The following MDFIC2 variants were observed in gnomAD, a reference collection of about 807,000 sequenced individuals.
MDFIC2 encodes the protein MyoD family inhibitor domain containing 2.
intron 2 of MDFIC2, chr3:70,302,550 A>C (rs533986333): frequency 6.6e-6 from 1 of 152,292 alleles, no homozygotes; most frequent in South Asian, 2.1e-4. Context: ...ATTCTACTGA[A>C]AATCTCTATT....
intron 2 of MDFIC2, among the ~76,000 whole-genome samples, chr3:70,263,142 C>T (rs6549313): frequency 0.92 from 139,369 of 152,164 alleles, 64,168 homozygotes; most frequent in Non-Finnish European, 0.95. Flanking sequence ...TGACTATAAA[C>T]TCTATATTTG....
At chr3:70,285,768 T>A (rs1381274006) in intron 2 of MDFIC2, among the ~76,000 whole-genome samples, 3 of 152,114 alleles carry the variant, frequency 2.0e-5, no homozygotes, top group Non-Finnish European at 4.4e-5. Flanking sequence ...TGTGAGATGG[T>A]ATCTCATTGT....
intron 2 of MDFIC2, among the ~76,000 whole-genome samples, chr3:70,245,671 TTATATATATATATA>T (rs34480688): frequency 0.011 from 627 of 57,240 alleles, 9 homozygotes; most frequent in African/African-American, 0.03. Context: ...GCAAACTGCT[TTATATATATATATA>T]TATATATATA....
At chr3:70,309,308 G>T (rs1226911886) in intron 2 of MDFIC2, among the ~76,000 whole-genome samples, 2 of 152,124 alleles carry the variant, frequency 1.3e-5, no homozygotes, top group African/African-American at 2.4e-5. Context: ...ATACCACTTT[G>T]TTGTAGGTAT....
chr3:70,225,328 A>C (rs1701493473), intron 2 of MDFIC2, among the ~76,000 whole-genome samples: 1 of 152,230 alleles, frequency 6.6e-6, no homozygotes, highest in Non-Finnish European at 1.5e-5. Flanking sequence ...CCACTTGGAA[A>C]GTGGCACAAG....
At chr3:70,254,436 C>T (rs576467329) in intron 2 of MDFIC2, among the ~76,000 whole-genome samples, 1 of 152,212 alleles carries the variant, frequency 6.6e-6, no homozygotes, top group South Asian at 2.1e-4. Context: ...ATAACATGAT[C>T]CATTTTAGAC....
chr3:70,249,379 A>G (rs958315839), intron 2 of MDFIC2, among the ~76,000 whole-genome samples: 6 of 152,140 alleles, frequency 3.9e-5, no homozygotes, highest in Non-Finnish European at 8.8e-5. Context: ...TATTGTGCAA[A>G]TATGAGCATT....
At chr3:70,198,869 C>T (rs1576151909) in intron 3 of MDFIC2, among the ~76,000 whole-genome samples, 1 of 152,096 alleles carries the variant, frequency 6.6e-6, no homozygotes, top group Non-Finnish European at 1.5e-5. Context: ...CACAAACCTC[C>T]CACAAAAATG....
chr3:70,298,457 A>G (rs1702312887), intron 2 of MDFIC2, among the ~76,000 whole-genome samples: 1 of 152,126 alleles, frequency 6.6e-6, no homozygotes, highest in African/African-American at 2.4e-5. Context: ...ATATTATGGG[A>G]GCTGAACTCC....
At chr3:70,251,678 C>T (rs1013104206) in intron 2 of MDFIC2, among the ~76,000 whole-genome samples, 1 of 152,100 alleles carries the variant, frequency 6.6e-6, no homozygotes, top group Non-Finnish European at 1.5e-5. Flanking sequence ...ATTGCCATTA[C>T]TTTTAATGGC....
chr3:70,293,324 A>T (rs907656025), intron 2 of MDFIC2, among the ~76,000 whole-genome samples: 1 of 152,264 alleles, frequency 6.6e-6, no homozygotes. Flanking sequence ...ACTGTGATAT[A>T]GTTGTATATG....
intron 2 of MDFIC2, among the ~76,000 whole-genome samples, chr3:70,232,633 C>G (rs1327595035): frequency 6.6e-6 from 1 of 151,906 alleles, no homozygotes; most frequent in African/African-American, 2.4e-5. Context: ...CTCCTGAGCT[C>G]GTGATCCGCC....
At chr3:70,202,041 C>T (rs1701245314) in intron 3 of MDFIC2, among the ~76,000 whole-genome samples, 1 of 152,170 alleles carries the variant, frequency 6.6e-6, no homozygotes, top group Admixed American at 6.5e-5. Flanking sequence ...ACCACAGTGA[C>T]TGTGGTCTAA....
chr3:70,206,103 A>G (rs1701288454), intron 3 of MDFIC2, among the ~76,000 whole-genome samples: 1 of 151,964 alleles, frequency 6.6e-6, no homozygotes, highest in Non-Finnish European at 1.5e-5. Flanking sequence ...CTCCTTTCTC[A>G]TAGATTGCTG....
chr3:70,195,237 A>G lies in MDFIC2; in HGVS notation c.*1689T>C, dbSNP rs1423015465. On this transcript the variant is annotated 3_prime_UTR_variant, in exon 4 of 4. Coordinates refer to ENST00000567252, the MANE Select transcript of MDFIC2 (RefSeq NM_001364677.1). ...CTATTTTTTTTTCTTCTAATGATCT[A>G]CAAGTTCTATGCATTGAGTATAGAG... Among the ~76,000 whole-genome samples, 1 of 152,084 alleles carries G rather than the reference A, an allele frequency of 6.6e-6. No individual in the cohort carries two copies. The highest frequency in any genetic ancestry group is 1.5e-5 in the Non-Finnish European group (1 of 68,014).
At chr3:70,276,384 A>G (rs1469791641) in intron 2 of MDFIC2, among the ~76,000 whole-genome samples, 1 of 152,104 alleles carries the variant, frequency 6.6e-6, no homozygotes, top group East Asian at 1.9e-4. Flanking sequence ...TGTTAATTCT[A>G]TTGTCTTGTG....
intron 3 of MDFIC2, among the ~76,000 whole-genome samples, chr3:70,206,156 AT>A (rs896713765): frequency 2.0e-5 from 3 of 151,970 alleles, no homozygotes; most frequent in Non-Finnish European, 2.9e-5. Flanking sequence ...AAACATCTTA[AT>A]TTTTTATGCT....
intron 2 of MDFIC2, among the ~76,000 whole-genome samples, chr3:70,264,767 A>G (rs1701900075): frequency 6.6e-6 from 1 of 152,234 alleles, no homozygotes. Context: ...GATGAATCTC[A>G]TGATAGGGAA....
chr3:70,302,844 C>A (rs76994760), intron 2 of MDFIC2, among the ~76,000 whole-genome samples: 1 of 151,994 alleles, frequency 6.6e-6, no homozygotes, highest in Non-Finnish European at 1.5e-5. Context: ...CCTTTCATTC[C>A]GTTGGGATCA....
Sources: allele counts gnomAD v4.1 joint callset (sites outside exome capture counted in the v4.1 genomes callset), GRCh38; gene constraint gnomAD v4.1.1; transcripts MANE v1.5; gene names NCBI Gene and HGNC (gene_info 2026-07-23, HGNC 2026-07-21).